The following AGGF1 variants were observed in gnomAD, a reference collection of about 807,000 sequenced individuals.
AGGF1 encodes angiogenic factor with G patch and FHA domains 1.
A neutral mutation model predicts 86.5 loss-of-function variants in AGGF1; 56 were observed. The observed-to-expected ratio is 0.65, with a 90% CI of 0.52 to 0.81. The LOEUF (loss-of-function observed/expected upper bound fraction) is 0.81, where lower values mean the gene tolerates loss of function less well. AGGF1 is among the 30% of genes least tolerant of loss of function. The probability of loss-of-function intolerance (pLI) is 0.00; values close to 1 mark genes in which losing one functional copy is unlikely to be tolerated. For synonymous variants in AGGF1, 313 were observed against 297.1 expected (o/e 1.05, Z -0.55); for missense variants, 816 against 850.9 (o/e 0.96, Z 0.51).
intron 5 of AGGF1, among the ~76,000 whole-genome samples, chr5:77,041,958 G>A (rs932510206): frequency 1.3e-5 from 2 of 150,558 alleles, no homozygotes; most frequent in Admixed American, 6.6e-5. Context: ...AGGACCCTGC[G>A]GCCTTCCGCA....
Position 77,030,637 on chromosome 5 carries a change from C to T in AGGF1, c.-130C>T. The T allele has an allele frequency of 9.4e-7, 1 of 1,066,936 alleles. No individual in the cohort carries two copies. The allele number at this position is 1,066,936 out of a possible 1,614,324, so 66.1% of individuals were successfully genotyped here. On this transcript the variant is annotated 5_prime_UTR_variant, in exon 1 of 14. Coordinates refer to ENST00000312916, the MANE Select transcript of AGGF1 (RefSeq NM_018046.5). ...GTTTCAGGGCGTCATGGCCAGGGGC[C>T]ACCGCGGCCAGCCGGGTGTGAGGCT... is the stretch of plus-strand genomic sequence containing the variant.
intron 9 of AGGF1, among the ~76,000 whole-genome samples, chr5:77,053,388 G>C (rs1488100966): frequency 6.6e-6 from 1 of 152,136 alleles, no homozygotes; most frequent in East Asian, 1.9e-4. Flanking sequence ...GCGTGGTGGT[G>C]TGTGCCTGTT....
chr5:77,041,591 A>G (rs746415072), intron 5 of AGGF1, among the ~76,000 whole-genome samples: 64 of 148,798 alleles, frequency 4.3e-4, no homozygotes, highest in Non-Finnish European at 8.4e-4. Context: ...AAAAAAGAAG[A>G]AGGCTAGGTT....
rs369726738 is a variant in AGGF1 at position 77,031,002 on chromosome 5, C to A, written c.210+26C>A. The A allele has an allele frequency of 4.9e-5, 79 of 1,609,718 alleles. No homozygotes were observed. The African/African-American group carries it at 9.5e-4, about 19-fold the overall frequency. On this transcript the variant is annotated intron_variant, in intron 1 of 13. Transcript: ENST00000312916. ...GTGCGCGGTCCTCCTCAGCCCCGCG[C>A]CCCATCCAGCCCAGGCGAGGCCTTC...
intron 12 of AGGF1, among the ~76,000 whole-genome samples, chr5:77,060,576 C>G (rs1162489374): frequency 6.6e-6 from 1 of 151,930 alleles, no homozygotes; most frequent in Non-Finnish European, 1.5e-5. Context: ...CATTTTTTTC[C>G]TCAGAATATA....
At chr5:77,062,163 CTGTT>C (rs1364336418) in intron 13 of AGGF1, among the ~76,000 whole-genome samples, 1 of 152,162 alleles carries the variant, frequency 6.6e-6, no homozygotes, top group Non-Finnish European at 1.5e-5. Flanking sequence ...GCTGAAAAAT[CTGTT>C]TGGTTCAAGA....
chr5:77,039,427 A>G (rs1234506213), intron 4 of AGGF1, 104 bp from the exon 5 acceptor site: 1 of 872,566 alleles, frequency 1.1e-6, no homozygotes, highest in African/African-American at 1.7e-5. Context: ...AAAATACTAT[A>G]GTTGTTCAAA....
chr5:77,035,808 G>A lies in AGGF1; in HGVS notation c.516+65G>A, dbSNP rs1029160784. On this transcript the variant is annotated intron_variant, in intron 3 of 13. Transcript: ENST00000312916. ...ACCTGTCCTTCTTTGTTGTTATTATGTGGAAAGATAGACTTCTTTGGTCCG... is the reference window on the plus strand; with the variant it reads ...ACCTGTCCTTCTTTGTTGTTATTATATGGAAAGATAGACTTCTTTGGTCCG... 4 of 1,421,694 alleles carry A rather than the reference G, an allele frequency of 2.8e-6. No homozygotes were observed. In the African/African-American group the frequency reaches 4.2e-5, roughly 15 times the overall value. The allele number at this position is 1,421,694 out of a possible 1,614,324, so 88.1% of individuals were successfully genotyped here.
chr5:77,053,051 G>A (rs1475614869), intron 9 of AGGF1, among the ~76,000 whole-genome samples: 3 of 152,264 alleles, frequency 2.0e-5, no homozygotes, highest in South Asian at 4.1e-4. Flanking sequence ...CCATTGTAAA[G>A]CTATTCAGAG....
Position 77,035,546 on chromosome 5 carries a change from T to G in AGGF1, c.319T>G (p.Phe107Val). The change falls in exon 3 of 14, where the codon TTT (phenylalanine) becomes GTT (valine). Residue 107 changes from phenylalanine to valine, a missense_variant. Transcript: ENST00000312916. ...NHAPWSISDY[F>V]YQTYYNDVSL... Reference sequence around the variant, plus strand: ...ACTTCATTTTTTTGCTACAGATTATTTTTATCAGACGTACTACAATGACGT... The same window carrying G: ...ACTTCATTTTTTTGCTACAGATTATGTTTATCAGACGTACTACAATGACGT... 1 of 1,610,832 alleles carries G rather than the reference T, an allele frequency of 6.2e-7. No homozygotes were observed. The highest frequency in any genetic ancestry group is 8.5e-7 in the Non-Finnish European group (1 of 1,177,884).
At chr5:77,053,399 A>T (rs1191897725) in intron 9 of AGGF1, among the ~76,000 whole-genome samples, 2 of 152,156 alleles carry the variant, frequency 1.3e-5, no homozygotes, top group Admixed American at 6.5e-5. Flanking sequence ...TGTGCCTGTT[A>T]TCCCAGCTAC....
At chr5:77,032,982 A>G (rs1480411732) in intron 1 of AGGF1, among the ~76,000 whole-genome samples, 1 of 152,246 alleles carries the variant, frequency 6.6e-6, no homozygotes, top group Non-Finnish European at 1.5e-5. Context: ...AAAAAATAGT[A>G]GTTCTGTGAC....
At chr5:77,033,510 G>C (rs1194890252) in intron 1 of AGGF1, among the ~76,000 whole-genome samples, 1 of 152,158 alleles carries the variant, frequency 6.6e-6, no homozygotes, top group Non-Finnish European at 1.5e-5. Flanking sequence ...CCTAGGGCGA[G>C]GAATTTAATG....
In AGGF1 at chr5:77,048,949, G is replaced by C. The variant is rs747968547; in HGVS notation, c.1327G>C (p.Glu443Gln). 3.1e-6 allele frequency: 5 copies of C among 1,613,562 alleles called. No individual in the cohort carries two copies. The highest frequency in any genetic ancestry group is 1.7e-6 in the Non-Finnish European group (2 of 1,179,864). The change falls in exon 8 of 14, where the codon GAA becomes CAA. Residue 443 changes from glutamate to glutamine, a missense_variant. Around this residue, in one of 3 missense-constraint regions of AGGF1, gnomAD observed 565 missense variants for 585.8 expected, o/e 0.96. Coordinates refer to ENST00000312916, the MANE Select transcript of AGGF1 (RefSeq NM_018046.5). ...PATIGREKDM[E>Q]HTLRIPEVGV... ...TTAACTCTGCAGAGAAAAGGATATG[G>C]AACATACTCTCCGAATCCCTGAAGT...
At chr5:77,034,827 G>T (rs563326069) in intron 2 of AGGF1, among the ~76,000 whole-genome samples, 2 of 152,246 alleles carry the variant, frequency 1.3e-5, no homozygotes, top group South Asian at 4.2e-4. Flanking sequence ...TGTGACCAGG[G>T]GCATTTGTTT....
intron 5 of AGGF1, among the ~76,000 whole-genome samples, chr5:77,041,447 A>G (rs1410946894): frequency 6.6e-6 from 1 of 151,818 alleles, no homozygotes; most frequent in Admixed American, 6.6e-5. Flanking sequence ...GATGCCTGTA[A>G]TCCCAGCTGC....
rs1239175870 is a variant in AGGF1, at chr5:77,063,254, G to A, written c.*2G>A. On this transcript the variant is annotated 3_prime_UTR_variant, in exon 14 of 14. Transcript: ENST00000312916. ...TGGGTAAAAGGGACTTTAGAGTGAA[G>A]GCTAATCATAGAAAAAAAACCTCTA... is the stretch of plus-strand genomic sequence containing the variant. The A allele has an allele frequency of 4.3e-6, 7 of 1,609,436 alleles. No individual in the cohort carries two copies. The highest frequency in any genetic ancestry group is 3.4e-6 in the Non-Finnish European group (4 of 1,177,890).
chr5:77,056,396 T>G (rs1382110103), intron 11 of AGGF1, among the ~76,000 whole-genome samples: 1 of 151,972 alleles, frequency 6.6e-6, no homozygotes, highest in Non-Finnish European at 1.5e-5. Context: ...GCCCCGCTAA[T>G]TTTTGTATTT....
intron 6 of AGGF1, 92 bp downstream of exon 6, chr5:77,046,769 C>A: frequency 1.7e-6 from 2 of 1,208,094 alleles, no homozygotes; most frequent in Non-Finnish European, 2.4e-6. Flanking sequence ...TGTAGTATAT[C>A]TGCCAGAAAG....
Sources: allele counts gnomAD v4.1 joint callset (sites outside exome capture counted in the v4.1 genomes callset), GRCh38; gene constraint gnomAD v4.1.1; regional missense constraint gnomAD v4.1.1; transcripts MANE v1.5; gene names NCBI Gene and HGNC (gene_info 2026-07-23, HGNC 2026-07-21).